DLG2: variants seen among roughly 807,000 people sequenced by gnomAD.
DLG2 encodes disks large homolog 2.
In DLG2, 45 loss-of-function variants were observed where a neutral mutation model predicts 132.5. The ratio of observed to expected loss-of-function variants is 0.34; its 90% CI spans 0.27 to 0.44. The LOEUF (loss-of-function observed/expected upper bound fraction) is 0.44. Ranked by LOEUF, DLG2 falls within the 20% of genes least tolerant of loss-of-function variation. DLG2 has a pLI of 1.00. For missense variants in DLG2, 1,045 were observed against 1,196.9 expected (o/e 0.87, Z 1.87); for synonymous variants, 424 against 419.6 (o/e 1.01, Z -0.13).
chr11:83,723,248 C>G (rs922750331), intron 18 of DLG2, among the ~76,000 whole-genome samples: 1 of 152,000 alleles, frequency 6.6e-6, no homozygotes, highest in Admixed American at 6.6e-5. Flanking sequence ...GGCATGGGGG[C>G]GGGCACCTGT....
At chr11:84,863,855 C>T (rs190535017) in intron 6 of DLG2, among the ~76,000 whole-genome samples, 2 of 152,202 alleles carry the variant, frequency 1.3e-5, no homozygotes, top group African/African-American at 4.8e-5. Flanking sequence ...TCTGCAGCCT[C>T]GGACCAGTTG....
intron 6 of DLG2, among the ~76,000 whole-genome samples, chr11:84,861,275 T>C (rs1566181386): frequency 6.6e-6 from 1 of 152,000 alleles, no homozygotes; most frequent in South Asian, 2.1e-4. Context: ...AAAATCTTGG[T>C]TTGTTCACGG....
intron 3 of DLG2, among the ~76,000 whole-genome samples, chr11:85,390,691 T>C (rs143896179): frequency 1.1e-3 from 165 of 152,142 alleles, no homozygotes; most frequent in Middle Eastern, 0.01. Flanking sequence ...TGAACAATCA[T>C]TGGGTCAAAA....
rs564619250 is a variant in DLG2 at position 85,076,376 on chromosome 11, TC to T, written c.357+35284del. Reference sequence around the variant, plus strand: ...AAATGGGTACATGCTGGCAAACACTTCCTGATGAGTTCAATTTTCAAGTTTC... The same window carrying T: ...AAATGGGTACATGCTGGCAAACACTTCTGATGAGTTCAATTTTCAAGTTTC... On this transcript the variant is annotated intron_variant, in intron 6 of 27. Coordinates refer to ENST00000376104, the MANE Select transcript of DLG2 (RefSeq NM_001142699.3). Among the ~76,000 whole-genome samples, 101 of 152,108 alleles carry T rather than the reference TC, an allele frequency of 6.6e-4. 1 individual carries two copies. Among genetic ancestry groups the T allele is most frequent in the African/African-American group, 2.4e-3 (98 of 41,538 alleles).
chr11:84,420,816 G>C (rs1343955031), intron 7 of DLG2, among the ~76,000 whole-genome samples: 113 of 151,652 alleles, frequency 7.5e-4, no homozygotes, highest in African/African-American at 2.1e-3. Flanking sequence ...CTACAGGCGT[G>C]CGCCACCACG....
At chr11:85,034,668 A>G (rs1566700221) in intron 6 of DLG2, among the ~76,000 whole-genome samples, 1 of 152,172 alleles carries the variant, frequency 6.6e-6, no homozygotes, top group Non-Finnish European at 1.5e-5. Flanking sequence ...ATAAAAAGAC[A>G]TTAATATCTT....
chr11:85,160,592 T>A (rs535021736), intron 4 of DLG2, among the ~76,000 whole-genome samples: 153 of 152,206 alleles, frequency 1.0e-3, no homozygotes, highest in African/African-American at 3.5e-3. Context: ...ACAGAGTGGG[T>A]CATGCACAGC....
chr11:84,187,106 A>G (rs2096289932), intron 8 of DLG2, among the ~76,000 whole-genome samples: 1 of 149,692 alleles, frequency 6.7e-6, no homozygotes, highest in Non-Finnish European at 1.5e-5. Flanking sequence ...TAAATTAAAT[A>G]TTATATCTTT....
intron 3 of DLG2, among the ~76,000 whole-genome samples, chr11:85,381,958 G>A (rs752352104): frequency 8.5e-5 from 13 of 152,058 alleles, no homozygotes; most frequent in Non-Finnish European, 1.8e-4. Context: ...AATCCCAGCT[G>A]AGTCTATGGT....
At chr11:84,868,040 C>T (rs2084873728) in intron 6 of DLG2, among the ~76,000 whole-genome samples, 1 of 151,174 alleles carries the variant, frequency 6.6e-6, no homozygotes, top group African/African-American at 2.4e-5. Context: ...CGCCACTGCA[C>T]TCCAGCCTGG....
intron 3 of DLG2, among the ~76,000 whole-genome samples, chr11:85,525,302 G>C (rs964710785): frequency 6.6e-6 from 1 of 152,080 alleles, no homozygotes; most frequent in Non-Finnish European, 1.5e-5. Context: ...CATCTACAAA[G>C]AACTTTTAAA....
At chr11:85,130,669 C>A (rs932624069) in intron 5 of DLG2, among the ~76,000 whole-genome samples, 1 of 152,132 alleles carries the variant, frequency 6.6e-6, no homozygotes, top group African/African-American at 2.4e-5. Flanking sequence ...GGAAAGTGAA[C>A]TTATTGCTGG....
intron 7 of DLG2, chr11:84,273,370 T>C: frequency 1.5e-6 from 2 of 1,304,154 alleles, no homozygotes; most frequent in Non-Finnish European, 1.9e-6. Flanking sequence ...TTAGATCTGC[T>C]ACACAAACTG....
intron 15 of DLG2, among the ~76,000 whole-genome samples, chr11:83,895,236 C>T (rs754200919): frequency 8.0e-5 from 12 of 149,604 alleles, no homozygotes; most frequent in South Asian, 6.4e-4. Context: ...CTCAGCTCAC[C>T]GCAACCTCCG....
chr11:85,060,729 A>G (rs930354172), intron 6 of DLG2, among the ~76,000 whole-genome samples: 1 of 151,682 alleles, frequency 6.6e-6, no homozygotes, highest in Non-Finnish European at 1.5e-5. Context: ...TGAAAATTAA[A>G]TTTTTTATTT....
At chr11:84,322,627 T>C (rs530215215) in intron 7 of DLG2, among the ~76,000 whole-genome samples, 4 of 151,920 alleles carry the variant, frequency 2.6e-5, no homozygotes, top group African/African-American at 9.7e-5. Flanking sequence ...TCTTATTCTG[T>C]TGCCCAGGCT....
intron 3 of DLG2, among the ~76,000 whole-genome samples, chr11:85,409,196 G>C (rs2089078881): frequency 6.6e-6 from 1 of 151,834 alleles, no homozygotes; most frequent in Admixed American, 6.6e-5. Context: ...TTATTTTACA[G>C]ATGAGACAAA....
At chr11:84,818,984 A>G (rs886434874) in intron 6 of DLG2, among the ~76,000 whole-genome samples, 15 of 151,562 alleles carry the variant, frequency 9.9e-5, no homozygotes, top group Non-Finnish European at 1.5e-4. Flanking sequence ...GGCAGAAGCT[A>G]ATACATTTAA....
At chr11:84,298,241 T>C (rs1285940168) in intron 7 of DLG2, among the ~76,000 whole-genome samples, 3 of 152,222 alleles carry the variant, frequency 2.0e-5, no homozygotes, top group South Asian at 4.1e-4. Flanking sequence ...TTTATGAACA[T>C]GGGCGTTTCC....
Sources: allele counts gnomAD v4.1 joint callset (sites outside exome capture counted in the v4.1 genomes callset), GRCh38; gene constraint gnomAD v4.1.1; transcripts MANE v1.5; gene names NCBI Gene and HGNC (gene_info 2026-07-23, HGNC 2026-07-21).